The following PGAP1 variants were observed in gnomAD, a reference collection of about 807,000 sequenced individuals.
The protein encoded by PGAP1 is GPI inositol-deacylase.
Under a neutral mutation model 127.0 loss-of-function variants are expected in PGAP1, and 76 were observed. The ratio of observed to expected loss-of-function variants is 0.60; its 90% CI spans 0.50 to 0.72. The LOEUF (loss-of-function observed/expected upper bound fraction) is 0.72, where lower values mean the gene tolerates loss of function less well. PGAP1 is among the 30% of genes least tolerant of loss of function. The probability of loss-of-function intolerance (pLI) is 0.00; values close to 1 mark genes in which losing one functional copy is unlikely to be tolerated. For synonymous variants in PGAP1, 362 were observed against 366.5 expected (o/e 0.99, Z 0.14); for missense variants, 982 against 1,071.3 (o/e 0.92, Z 1.16).
At chr2:196,917,334 A>G (rs1169112421) in intron 2 of PGAP1, among the ~76,000 whole-genome samples, 1 of 152,252 alleles carries the variant, frequency 6.6e-6, no homozygotes. Flanking sequence ...CTATAGATAC[A>G]TTATAATCCA....
chr2:196,856,240 C>T (rs1311021734), intron 20 of PGAP1, among the ~76,000 whole-genome samples: 1 of 152,114 alleles, frequency 6.6e-6, no homozygotes, highest in East Asian at 1.9e-4. Context: ...TGGTCTCAAA[C>T]TCCTGACCTC....
At chr2:196,884,353 G>C (rs1173538954) in intron 12 of PGAP1, among the ~76,000 whole-genome samples, 4 of 152,176 alleles carry the variant, frequency 2.6e-5, no homozygotes, top group Non-Finnish European at 5.9e-5. Context: ...GGTTAGGATA[G>C]TACCAGTGAG....
intron 3 of PGAP1, 87 bp downstream of exon 3, chr2:196,916,331 A>G (rs1161519039): frequency 8.1e-7 from 1 of 1,228,790 alleles, no homozygotes; most frequent in Non-Finnish European, 1.1e-6. Context: ...CATATAAACA[A>G]ATACATGATT....
intron 20 of PGAP1, among the ~76,000 whole-genome samples, chr2:196,862,305 T>C (rs1050680954): frequency 6.6e-6 from 1 of 152,092 alleles, no homozygotes; most frequent in African/African-American, 2.4e-5. Flanking sequence ...CCCAGGCTTA[T>C]TAGGAAGAGG....
chr2:196,870,950 T>A lies in PGAP1; in HGVS notation c.1758A>T (p.Ile586=). ...EVTVKTSFSQ[I]LGQVVRFHGG... ...CAGGAATCTCTCTTACCTGTCCAAG[T>A]ATTTGTGAAAAGGAAGTCTTAACTG... The change falls in exon 19 of 27, where the codon ATA becomes ATT. Residue 586 remains isoleucine (I), a synonymous_variant. Coordinates refer to ENST00000354764, the MANE Select transcript of PGAP1 (RefSeq NM_024989.4). 1 of 1,608,038 alleles carries A rather than the reference T, an allele frequency of 6.2e-7. No individual in the cohort carries two copies. The highest frequency in any genetic ancestry group is 1.7e-5 in the Admixed American group (1 of 59,932).
At chr2:196,893,650 C>A (rs16859238) in intron 7 of PGAP1, among the ~76,000 whole-genome samples, 2 of 151,970 alleles carry the variant, frequency 1.3e-5, no homozygotes, top group Non-Finnish European at 2.9e-5. Context: ...GTCTTGTGAT[C>A]CCAATGTACT....
At chr2:196,863,528 T>C (rs1701136329) in intron 20 of PGAP1, among the ~76,000 whole-genome samples, 1 of 152,176 alleles carries the variant, frequency 6.6e-6, no homozygotes, top group Non-Finnish European at 1.5e-5. Flanking sequence ...GTTGATCTCA[T>C]GGAGCTAGAG....
At chr2:196,885,615 C>A in intron 11 of PGAP1, 140 bp from the exon 12 acceptor site, 1 of 642,658 alleles carries the variant, frequency 1.6e-6, no homozygotes, top group Non-Finnish European at 2.5e-6. Context: ...ATACTCTGTC[C>A]ACATATTTCC....
intron 3 of PGAP1, among the ~76,000 whole-genome samples, 193 bp downstream of exon 3, chr2:196,916,225 G>A (rs1703002618): frequency 6.6e-6 from 1 of 152,100 alleles, no homozygotes; most frequent in South Asian, 2.1e-4. Context: ...TTCACCATAA[G>A]AAATGTTTCT....
intron 10 of PGAP1, among the ~76,000 whole-genome samples, chr2:196,888,070 T>C (rs914240474): frequency 2.0e-5 from 3 of 152,200 alleles, no homozygotes; most frequent in Non-Finnish European, 4.4e-5. Flanking sequence ...ATTGAATAGA[T>C]AGAGTATCTA....
At chr2:196,919,866 G>A in intron 2 of PGAP1, 131 bp downstream of exon 2, 1 of 894,686 alleles carries the variant, frequency 1.1e-6, no homozygotes, top group Non-Finnish European at 1.7e-6. Context: ...TGGTCTCTCT[G>A]TAAGCCCAGC....
At chr2:196,847,381 G>A (rs993705579) in intron 21 of PGAP1, 181 bp from the exon 22 acceptor site, 1 of 490,650 alleles carries the variant, frequency 2.0e-6, no homozygotes, top group East Asian at 3.3e-5. Context: ...TTCCAAGTGA[G>A]CCTACTGATC....
At chr2:196,891,222 C>G (rs1478166963) in intron 9 of PGAP1, among the ~76,000 whole-genome samples, 1 of 152,062 alleles carries the variant, frequency 6.6e-6, no homozygotes, top group Non-Finnish European at 1.5e-5. Flanking sequence ...ATTGAAAAGG[C>G]CTAGAAATGC....
intron 6 of PGAP1, 66 bp downstream of exon 6, chr2:196,898,251 T>C: frequency 1.8e-6 from 2 of 1,102,364 alleles, no homozygotes; most frequent in African/African-American, 1.6e-5. Flanking sequence ...CCAATTAAAT[T>C]ACTGCATTGA....
At chr2:196,884,837 A>G (rs978212310) in intron 12 of PGAP1, among the ~76,000 whole-genome samples, 1 of 152,204 alleles carries the variant, frequency 6.6e-6, no homozygotes, top group Non-Finnish European at 1.5e-5. Flanking sequence ...TTTTAGGATT[A>G]TTTTGCTTTT....
At chr2:196,903,845 G>A (rs1053391733) in intron 4 of PGAP1, among the ~76,000 whole-genome samples, 1 of 152,156 alleles carries the variant, frequency 6.6e-6, no homozygotes, top group Non-Finnish European at 1.5e-5. Context: ...TAGGGCAGGG[G>A]ATTTCTCAAT....
intron 20 of PGAP1, among the ~76,000 whole-genome samples, chr2:196,854,193 C>G (rs114622842): frequency 0.01 from 1,535 of 151,924 alleles, 24 homozygotes; most frequent in African/African-American, 0.035. Context: ...CACCACACAC[C>G]CGGCCGAAAA....
At chr2:196,890,466 C>A (rs1369317048) in intron 10 of PGAP1, among the ~76,000 whole-genome samples, 1 of 151,890 alleles carries the variant, frequency 6.6e-6, no homozygotes, top group Non-Finnish European at 1.5e-5. Context: ...AACAAAATTC[C>A]CTTTATAAAA....
chr2:196,847,955 A>G lies in PGAP1; in HGVS notation c.1944T>C (p.Phe648=). Residue 648 remains phenylalanine, a synonymous_variant, in exon 21 of 27, where the codon TTT becomes TTC. Transcript: ENST00000354764. The part of the protein sequence containing the change: ...KVDPFVIIIK[F]LLGYKWFKEL... ...CAGATAATAAAACTTACCCCAACAG[A>G]AACTTAATGATAATTACAAAAGGAT... is the stretch of plus-strand genomic sequence containing the variant. 1 of 1,579,460 alleles carries G rather than the reference A, an allele frequency of 6.3e-7. No homozygotes were observed. The highest frequency in any genetic ancestry group is 8.6e-7 in the Non-Finnish European group (1 of 1,164,782).
Sources: gnomAD v4.1 joint callset for allele counts (sites outside exome capture counted in the v4.1 genomes callset) on GRCh38, gnomAD v4.1.1 for gene constraint, MANE v1.5 for transcripts, NCBI Gene and HGNC (gene_info 2026-07-23, HGNC 2026-07-21) for gene names.